ASIP: variants seen among roughly 807,000 people sequenced by gnomAD.
ASIP encodes agouti signaling protein.
Under a neutral mutation model 10.3 loss-of-function variants are expected in ASIP, and 11 were observed. The ratio of observed to expected loss-of-function variants is 1.07; its 90% CI spans 0.68 to 1.78. ASIP has a LOEUF of 1.78. ASIP is among the 40% of genes most tolerant of loss of function. The pLI is 0.00. For synonymous variants in ASIP, 70 were observed against 70.8 expected (o/e 0.99, Z 0.06); for missense variants, 180 against 169.2 (o/e 1.06, Z -0.35).
At chr20:34,238,997 A>G (rs1019443979), upstream of ASIP, among the ~76,000 whole-genome samples, 4 of 152,178 alleles carry the variant, frequency 2.6e-5, no homozygotes, top group Non-Finnish European at 4.4e-5. Context: ...ACAGAATCCT[A>G]GAGCTTCCTA....
upstream of ASIP, among the ~76,000 whole-genome samples, chr20:34,193,954 T>C (rs1384626950): frequency 2.6e-5 from 4 of 152,144 alleles, no homozygotes; most frequent in Admixed American, 2.0e-4. Flanking sequence ...AAAACTCTTC[T>C]CCAGCAGCCC....
chr20:34,225,189 G>C (rs1455822709), intron 1 of ASIP, among the ~76,000 whole-genome samples: 2 of 150,504 alleles, frequency 1.3e-5, no homozygotes, highest in Non-Finnish European at 3.0e-5. Context: ...TTACAGGTGC[G>C]TGCCACCACC....
chr20:34,227,657 A>G (rs1028429140), intron 1 of ASIP, among the ~76,000 whole-genome samples: 7 of 151,638 alleles, frequency 4.6e-5, no homozygotes, highest in African/African-American at 1.2e-4. Context: ...GAGATATACC[A>G]TATTCGTGGA....
chr20:34,234,096 A>T (rs1202199600), intron 1 of ASIP, among the ~76,000 whole-genome samples: 2 of 152,174 alleles, frequency 1.3e-5, no homozygotes, highest in Admixed American at 1.3e-4. Context: ...GTTATGATGG[A>T]TCTAAGTGGC....
intron 1 of ASIP, among the ~76,000 whole-genome samples, chr20:34,217,563 G>GTATT (rs200194445): frequency 0.11 from 17,236 of 151,780 alleles, 1,026 homozygotes; most frequent in South Asian, 0.2. Flanking sequence ...GCTTATTTAT[G>GTATT]TATTTATTTA....
At chr20:34,221,335 G>A (rs903930182) in intron 1 of ASIP, among the ~76,000 whole-genome samples, 1 of 151,766 alleles carries the variant, frequency 6.6e-6, no homozygotes, top group Admixed American at 6.6e-5. Context: ...CCGAGATCGC[G>A]CCACTGCACT....
upstream of ASIP, among the ~76,000 whole-genome samples, chr20:34,194,191 TGAGA>T (rs1374634194): frequency 6.6e-6 from 1 of 152,074 alleles, no homozygotes; most frequent in Non-Finnish European, 1.5e-5. Flanking sequence ...AAAGCAGTGC[TGAGA>T]GAGAGAACCA....
chr20:34,199,654 C>T (rs2034880508), intron 1 of ASIP, among the ~76,000 whole-genome samples: 1 of 152,148 alleles, frequency 6.6e-6, no homozygotes, highest in South Asian at 2.1e-4. Context: ...CATTTCTCTA[C>T]TAGGTTGTCT....
At chr20:34,233,270 C>T (rs1269779384) in intron 1 of ASIP, among the ~76,000 whole-genome samples, 2 of 151,626 alleles carry the variant, frequency 1.3e-5, no homozygotes, top group African/African-American at 4.8e-5. Context: ...GCCTCAGCCT[C>T]CCAAGTAGCT....
At chr20:34,199,432 C>G in intron 1 of ASIP, among the ~76,000 whole-genome samples, 1 of 152,130 alleles carries the variant, frequency 6.6e-6, no homozygotes. Flanking sequence ...ACACTCCCAC[C>G]AGCAATGTCT....
At chr20:34,257,114 C>T (rs1295043414) in intron 1 of ASIP, among the ~76,000 whole-genome samples, 2 of 134,404 alleles carry the variant, frequency 1.5e-5, no homozygotes, top group East Asian at 2.1e-4. Context: ...GAGACAGTTT[C>T]CCTCTTTCAC....
intron 1 of ASIP, among the ~76,000 whole-genome samples, chr20:34,232,068 G>T (rs1196670878): frequency 6.6e-6 from 1 of 152,180 alleles, no homozygotes; most frequent in Non-Finnish European, 1.5e-5. Context: ...GAGTCCAACA[G>T]GGACAACACA....
chr20:34,211,183 C>T (rs2034972411), intron 1 of ASIP, among the ~76,000 whole-genome samples: 1 of 152,076 alleles, frequency 6.6e-6, no homozygotes, highest in African/African-American at 2.4e-5. Context: ...GAGCATGCCA[C>T]CATGCCTGGC....
intron 1 of ASIP, among the ~76,000 whole-genome samples, chr20:34,205,266 T>G (rs1354085206): frequency 6.6e-6 from 1 of 152,232 alleles, no homozygotes; most frequent in Non-Finnish European, 1.5e-5. Context: ...CAGTGAGTGT[T>G]ACAGCTCTTA....
Position 34,260,466 on chromosome 20 carries a change from G to A in ASIP, c.92G>A (p.Arg31Gln), listed in dbSNP as rs755825184. ...NSHLPPEEKL[R>Q]DDRSLRSNSS... ...CACCTGCCACCTGAGGAGAAGCTCCGAGATGACAGGAGCCTGAGAAGCAAC... is the reference window on the plus strand; with the variant it reads ...CACCTGCCACCTGAGGAGAAGCTCCAAGATGACAGGAGCCTGAGAAGCAAC... The change falls in exon 2 of 4, where the codon CGA (arginine) becomes CAA (glutamine). Residue 31 changes from arginine to glutamine, a missense_variant. By Grantham distance (43) the Arg-to-Gln change is conservative. Coordinates refer to ENST00000374954, the MANE Select transcript of ASIP (RefSeq NM_001672.3). The A allele has an allele frequency of 1.3e-5, 21 of 1,613,984 alleles. No individual in the cohort carries two copies. The highest frequency in any genetic ancestry group is 2.7e-5 in the African/African-American group (2 of 74,916).
chr20:34,268,477 C>T (rs987678027), intron 3 of ASIP, among the ~76,000 whole-genome samples: 4 of 152,174 alleles, frequency 2.6e-5, no homozygotes, highest in Non-Finnish European at 4.4e-5. Flanking sequence ...AAACCCAGCA[C>T]TTTGGGAGGC....
intron 1 of ASIP, among the ~76,000 whole-genome samples, chr20:34,241,890 G>A (rs1424237556): frequency 6.6e-6 from 1 of 152,172 alleles, no homozygotes; most frequent in East Asian, 1.9e-4. Flanking sequence ...AGGATTTAGG[G>A]ATCAGTCTGC....
At chr20:34,237,404 C>A (rs968693441), upstream of ASIP, among the ~76,000 whole-genome samples, 1 of 152,066 alleles carries the variant, frequency 6.6e-6, no homozygotes. Context: ...TATGTTAATT[C>A]CTAATTCTTT....
chr20:34,265,192 C>CAGTA (rs1395225629), intron 3 of ASIP, among the ~76,000 whole-genome samples: 1 of 152,072 alleles, frequency 6.6e-6, no homozygotes, highest in Non-Finnish European at 1.5e-5. Flanking sequence ...TTCTGGCCAA[C>CAGTA]AGTAGGCTAT....
Sources: gnomAD v4.1 joint callset for allele counts (sites outside exome capture counted in the v4.1 genomes callset) on GRCh38, gnomAD v4.1.1 for gene constraint, MANE v1.5 for transcripts, NCBI Gene and HGNC (gene_info 2026-07-23, HGNC 2026-07-21) for gene names.